Variants in BRIP1 observed in about 807,000 individuals in gnomAD.
BRIP1 encodes the protein BRCA1 interacting DNA helicase 1, also known as Fanconi anemia group J protein.
In BRIP1, 88 loss-of-function variants were observed where a neutral mutation model predicts 119.7. The observed-to-expected ratio is 0.74, with a 90% confidence interval of 0.62 to 0.88. The LOEUF (loss-of-function observed/expected upper bound fraction) is 0.88, where lower values mean the gene tolerates loss of function less well. Among genes scored for constraint, BRIP1 ranks in the 40% least tolerant of loss-of-function variants. The pLI is 0.00. For synonymous variants in BRIP1, 443 were observed against 496.5 expected (o/e 0.89, Z 1.43); for missense variants, 1,259 against 1,455.4 (o/e 0.87, Z 2.20).
chr17:61,757,293 T>A lies in BRIP1; in HGVS notation c.2098-12702A>T, dbSNP rs1390189790. On this transcript the variant is annotated intron_variant, in intron 14 of 19. Coordinates refer to ENST00000259008, the MANE Select transcript of BRIP1 (RefSeq NM_032043.3). The surrounding 1 kb of genome is among the most constrained non-coding windows in gnomAD (Gnocchi z 4.3). ...GAAACAGCTTCCTGTTTGGTGATAT[T>A]TGACTCAGCACTTTCACCTCAAGAG... 1.3e-5 allele frequency among the ~76,000 whole-genome samples: 2 copies of A among 152,190 alleles called. No homozygotes were observed. Among genetic ancestry groups the A allele is most frequent in the African/African-American group, 4.8e-5 (2 of 41,448 alleles).
At position 61,762,830 on chromosome 17, in the gene BRIP1, C is replaced by T. The variant is rs1264645895; in HGVS notation, c.2097+13571G>A. Among the ~76,000 whole-genome samples, 1 of 152,106 alleles carries T rather than the reference C, an allele frequency of 6.6e-6. No homozygotes were observed. The highest frequency in any genetic ancestry group is 2.4e-5 in the African/African-American group (1 of 41,432). ...AACTGAATGGACATTACTCAAAACA[C>T]TCAAAACAGAATTACCTTATGATCT... On this transcript the variant is annotated intron_variant, in intron 14 of 19. Coordinates refer to ENST00000259008, the MANE Select transcript of BRIP1 (RefSeq NM_032043.3). This position sits in a 1 kb window ranked among gnomAD's most constrained non-coding sequence, Gnocchi z 4.3.
At chr17:61,716,833 T>TAATCTGCTTCCA (rs1288480824) in intron 16 of BRIP1, among the ~76,000 whole-genome samples, 1 of 17,470 alleles carries the variant, frequency 5.7e-5, no homozygotes, top group Non-Finnish European at 1.3e-4. Flanking sequence ...CACTACTGGA[T>TAATCTGCTTCCA]TATTAGCTAT....
In BRIP1 at chr17:61,832,551, CTG is replaced by C. The variant is rs1436038014; in HGVS notation, c.627+14548_627+14549del. ...ATGCAATGAGCAGAAGGCATCACTTCTGTGACATTCCTGCCAAAGATAAATAA... is the reference window on the plus strand; with the variant it reads ...ATGCAATGAGCAGAAGGCATCACTTCTGACATTCCTGCCAAAGATAAATAA... On this transcript the variant is annotated intron_variant, in intron 6 of 19. Transcript: ENST00000259008. The surrounding 1 kb of genome is among the most constrained non-coding windows in gnomAD (Gnocchi z 5.5). Among the ~76,000 whole-genome samples the C allele has an allele frequency of 6.6e-6, 1 of 152,204 alleles. No homozygotes were observed. The highest frequency in any genetic ancestry group is 1.5e-5 in the Non-Finnish European group (1 of 68,026).
chr17:61,706,707 A>G lies in BRIP1; in HGVS notation c.2492+9244T>C, dbSNP rs1487665206. 6.6e-6 allele frequency among the ~76,000 whole-genome samples: 1 copy of G among 152,202 alleles called. No homozygotes were observed. The highest frequency in any genetic ancestry group is 1.5e-5 in the Non-Finnish European group (1 of 68,006). On this transcript the variant is annotated intron_variant, in intron 17 of 19. Transcript: ENST00000259008. The surrounding 1 kb of genome is among the most constrained non-coding windows in gnomAD (Gnocchi z 5.7). ...TACTTCACCATCCCTTCCTGGGAAT[A>G]TTAACAACTGAGTCACATAGTGCAC... is the stretch of plus-strand genomic sequence containing the variant.
chr17:61,739,002 G>A lies in BRIP1; in HGVS notation c.2379+4011C>T, dbSNP rs1210365095. 1 of 160,152 alleles carries A rather than the reference G, an allele frequency of 6.2e-6. No individual in the cohort carries two copies. The highest frequency in any genetic ancestry group is 1.4e-5 in the Non-Finnish European group (1 of 72,934). The allele number at this position is 160,152 out of a possible 1,614,324, so 9.9% of individuals were successfully genotyped here. A position where few individuals can be genotyped will look rare whatever the true frequency, so the allele number is the denominator to read the frequency against. On this transcript the variant is annotated intron_variant, in intron 16 of 19. Coordinates refer to ENST00000259008, the MANE Select transcript of BRIP1 (RefSeq NM_032043.3). The surrounding 1 kb of genome is among the most constrained non-coding windows in gnomAD (Gnocchi z 6.0). ...GTTTTTCTTCTTTTCCAGGTCTCAA[G>A]AACTCATATGTAGGGTCCAAGGAAG...
Position 61,793,844 on chromosome 17 carries a change from T to TGTCCTAAGAATGTCA in BRIP1, c.1341-116_1341-115insTGACATTCTTAGGAC. 9.0e-7 allele frequency: 1 copy of TGTCCTAAGAATGTCA among 1,107,674 alleles called. No individual in the cohort carries two copies. Among genetic ancestry groups the TGTCCTAAGAATGTCA allele is most frequent in the Non-Finnish European group, 1.2e-6 (1 of 806,656 alleles). 68.6% of individuals were successfully genotyped at this position (1,107,674 alleles called of 1,614,324 possible). A position where few individuals can be genotyped will look rare whatever the true frequency, so the allele number is the denominator to read the frequency against. Reference sequence around the variant, plus strand: ...GTTGATCTGTATATCTTGACATTCTTAGGACATGAATGTGGATTAATTAAG... The same window carrying TGTCCTAAGAATGTCA: ...GTTGATCTGTATATCTTGACATTCTTGTCCTAAGAATGTCAAGGACATGAATGTGGATTAATTAAG... On this transcript the variant is annotated intron_variant, in intron 9 of 19. Transcript: ENST00000259008. The surrounding 1 kb of genome is among the most constrained non-coding windows in gnomAD (Gnocchi z 5.2).
chr17:61,680,480 C>CTTTCTTT lies in BRIP1; in HGVS notation c.*2815_*2816insAAAGAAA, dbSNP rs1555571892. Among the ~76,000 whole-genome samples, 6,827 of 123,814 alleles carry CTTTCTTT rather than the reference C, an allele frequency of 0.055. 520 individuals are homozygous for CTTTCTTT. The highest frequency in any genetic ancestry group is 0.22 in the South Asian group (856 of 3,932). The allele number at this position is 123,814 out of a possible 152,430, so 81.2% of individuals were successfully genotyped here. ...AGTTTACCAATTCTAAAGGTAATTT[C>CTTTCTTT]TTTTTTTTTTTTTTTTTGAGACGGA... On this transcript the variant is annotated 3_prime_UTR_variant, in exon 20 of 20. Transcript: ENST00000259008.
At position 61,825,193 on chromosome 17, in the gene BRIP1, G is replaced by A. The variant is rs8067244; in HGVS notation, c.628-16436C>T. Among the ~76,000 whole-genome samples the A allele has an allele frequency of 6.6e-6, 1 of 151,790 alleles. No homozygotes were observed. Among genetic ancestry groups the A allele is most frequent in the South Asian group, 2.1e-4 (1 of 4,802 alleles). On this transcript the variant is annotated intron_variant, in intron 6 of 19. Coordinates refer to ENST00000259008, the MANE Select transcript of BRIP1 (RefSeq NM_032043.3). The surrounding 1 kb of genome is among the most constrained non-coding windows in gnomAD (Gnocchi z 4.1). ...TCAGCTACTAGGGAGGCTGAGGCAG[G>A]AGAATGGCGTGAACCTGGGAGGCGG...
rs2076945616 is a variant in BRIP1, at chr17:61,738,326, A to C, written c.2379+4687T>G. 1.3e-5 allele frequency among the ~76,000 whole-genome samples: 2 copies of C among 152,148 alleles called. No individual in the cohort carries two copies. The highest frequency in any genetic ancestry group is 1.3e-4 in the Admixed American group (2 of 15,266). On this transcript the variant is annotated intron_variant, in intron 16 of 19. Coordinates refer to ENST00000259008, the MANE Select transcript of BRIP1 (RefSeq NM_032043.3). This position sits in a 1 kb window ranked among gnomAD's most constrained non-coding sequence, Gnocchi z 4.2. ...CAATAAGAAATACACTTCCCAGTAC[A>C]TCTAGTAGTGCTGGTAAATAATTTC...
chr17:61,749,959 C>T (rs939051692), intron 14 of BRIP1, among the ~76,000 whole-genome samples: 1 of 152,130 alleles, frequency 6.6e-6, no homozygotes, highest in Admixed American at 6.5e-5. Flanking sequence ...TAGGAAAGAT[C>T]ACGTCTGTAA....
Position 61,825,716 on chromosome 17 carries a change from G to A in BRIP1, c.628-16959C>T, listed in dbSNP as rs1014415561. On this transcript the variant is annotated intron_variant, in intron 6 of 19. Coordinates refer to ENST00000259008, the MANE Select transcript of BRIP1 (RefSeq NM_032043.3). This position sits in a 1 kb window ranked among gnomAD's most constrained non-coding sequence, Gnocchi z 4.1. ...CAGGTAGGTGAAAGATCTCTACAAAGGGAACTACAAAGCACTGCTTGAAGA... is the reference window on the plus strand; with the variant it reads ...CAGGTAGGTGAAAGATCTCTACAAAAGGAACTACAAAGCACTGCTTGAAGA... Among the ~76,000 whole-genome samples the A allele has an allele frequency of 6.6e-6, 1 of 151,644 alleles. No individual in the cohort carries two copies. Among genetic ancestry groups the A allele is most frequent in the African/African-American group, 2.4e-5 (1 of 41,320 alleles).
In BRIP1 at chr17:61,725,168, G is replaced by C. The variant is rs904247431; in HGVS notation, c.2380-9105C>G. 2.0e-5 allele frequency among the ~76,000 whole-genome samples: 3 copies of C among 151,696 alleles called. No individual in the cohort carries two copies. Among genetic ancestry groups the C allele is most frequent in the African/African-American group, 7.3e-5 (3 of 41,308 alleles). On this transcript the variant is annotated intron_variant, in intron 16 of 19. Coordinates refer to ENST00000259008, the MANE Select transcript of BRIP1 (RefSeq NM_032043.3). The surrounding 1 kb of genome is among the most constrained non-coding windows in gnomAD (Gnocchi z 5.3). ...GTGTATATACACTTTTTTTAAATGGGGAAAATGAGTTAGTTTCTGCCAAGA... is the reference window on the plus strand; with the variant it reads ...GTGTATATACACTTTTTTTAAATGGCGAAAATGAGTTAGTTTCTGCCAAGA...
intron 10 of BRIP1, among the ~76,000 whole-genome samples, chr17:61,790,644 CT>C (rs2077801907): frequency 2.0e-5 from 3 of 151,680 alleles, no homozygotes; most frequent in Non-Finnish European, 2.9e-5. Flanking sequence ...ACAATTTATC[CT>C]TTTCTTTTTT....
rs67186945 is a variant in BRIP1 at position 61,722,036 on chromosome 17, CTTT to C, written c.2380-5976_2380-5974del. Among the ~76,000 whole-genome samples the C allele has an allele frequency of 7.1e-6, 1 of 141,836 alleles. No individual in the cohort carries two copies. 93.0% of individuals were successfully genotyped at this position (141,836 alleles called of 152,430 possible). A position where few individuals can be genotyped will look rare whatever the true frequency, so the allele number is the denominator to read the frequency against. The stretch of plus-strand genomic sequence containing the variant: ...GAGCCACCACGCCTAGCCAACTTTG[CTTT>C]TTTTTTTTTTCTTTTTTTTTGAGAC... On this transcript the variant is annotated intron_variant, in intron 16 of 19. Transcript: ENST00000259008. This position sits in a 1 kb window ranked among gnomAD's most constrained non-coding sequence, Gnocchi z 4.6.
intron 17 of BRIP1, among the ~76,000 whole-genome samples, chr17:61,697,812 A>AT (rs377661269): frequency 0.016 from 2,237 of 142,912 alleles, 34 homozygotes; most frequent in African/African-American, 0.036. Context: ...TGTTTACAGT[A>AT]TTTTTTTTTT....
rs1304077644 is a variant in BRIP1 at position 61,774,474 on chromosome 17, T to C, written c.2097+1927A>G. On this transcript the variant is annotated intron_variant, in intron 14 of 19. Transcript: ENST00000259008. The surrounding 1 kb of genome is among the most constrained non-coding windows in gnomAD (Gnocchi z 5.8). ...AGGGGAGGGATAGCATTAGGAGAAA[T>C]ACCTAATGTAAATGACGAGTTGATG... Among the ~76,000 whole-genome samples the C allele has an allele frequency of 6.6e-6, 1 of 152,114 alleles. No homozygotes were observed. Among genetic ancestry groups the C allele is most frequent in the Non-Finnish European group, 1.5e-5 (1 of 68,024 alleles).
intron 16 of BRIP1, among the ~76,000 whole-genome samples, chr17:61,721,267 C>CTCT (rs2061969133): frequency 8.8e-6 from 1 of 114,186 alleles, no homozygotes. Flanking sequence ...AAAATCTAAG[C>CTCT]TTTTTTTTTT....
intron 14 of BRIP1, among the ~76,000 whole-genome samples, chr17:61,772,432 A>G (rs535516376): frequency 1.4e-3 from 211 of 151,968 alleles, no homozygotes; most frequent in Middle Eastern, 6.8e-3. Flanking sequence ...ATTTTGTGGG[A>G]ACAGAGTTCT....
In BRIP1 at chr17:61,746,818, A is replaced by G. The variant is rs148491478; in HGVS notation, c.2098-2227T>C. 6.6e-6 allele frequency among the ~76,000 whole-genome samples: 1 copy of G among 152,242 alleles called. No homozygotes were observed. The highest frequency in any genetic ancestry group is 1.5e-5 in the Non-Finnish European group (1 of 67,978). On this transcript the variant is annotated intron_variant, in intron 14 of 19. Coordinates refer to ENST00000259008, the MANE Select transcript of BRIP1 (RefSeq NM_032043.3). This position sits in a 1 kb window ranked among gnomAD's most constrained non-coding sequence, Gnocchi z 4.9. Reference sequence around the variant, plus strand: ...AGATCAACAAGGAAACGGAACTTGAACAATACTAGAGACCAGATGGACCTG... The same window carrying G: ...AGATCAACAAGGAAACGGAACTTGAGCAATACTAGAGACCAGATGGACCTG...
Sources: allele counts gnomAD v4.1 joint callset (sites outside exome capture counted in the v4.1 genomes callset), GRCh38; gene constraint gnomAD v4.1.1; non-coding constraint Gnocchi (gnomAD v3.1); transcripts MANE v1.5; gene names NCBI Gene and HGNC (gene_info 2026-07-23, HGNC 2026-07-21).